Variants in SV2B observed in about 807,000 individuals in gnomAD.
SV2B encodes the protein synaptic vesicle glycoprotein 2B, also known as solute carrier family 22 member B2.
In SV2B, 41 loss-of-function variants were observed where a neutral mutation model predicts 73.9. That is an observed-to-expected ratio of 0.56 (90% CI 0.43 to 0.72). SV2B has a LOEUF of 0.72. Ranked by LOEUF, SV2B falls within the 30% of genes least tolerant of loss-of-function variation. The pLI, the probability that SV2B is intolerant of heterozygous loss-of-function variation, is 0.00. For synonymous variants in SV2B, 314 were observed against 314.2 expected, an observed-to-expected ratio of 1.00 and a Z score of 0.01; for missense variants, 764 against 857.8, an observed-to-expected ratio of 0.89 and a Z score of 1.37.
chr15:91,172,485 GTCT>G (rs1043663112), intron 1 of SV2B, among the ~76,000 whole-genome samples: 4 of 152,190 alleles, frequency 2.6e-5, no homozygotes, highest in Non-Finnish European at 5.9e-5. Flanking sequence ...GTCCCACCAT[GTCT>G]TCTTCTTCTG....
intron 1 of SV2B, among the ~76,000 whole-genome samples, chr15:91,125,848 G>C (rs907235219): frequency 1.4e-5 from 2 of 144,858 alleles, no homozygotes; most frequent in African/African-American, 5.1e-5. Flanking sequence ...AGAAAATAAA[G>C]TCACCTTAAA....
At position 91,294,353 on chromosome 15, in the gene SV2B, T is replaced by C. The variant is rs981543127; in HGVS notation, c.*1801T>C. On this transcript the variant is annotated 3_prime_UTR_variant, in exon 13 of 13. Transcript: ENST00000394232. This position sits in a 1 kb window ranked among gnomAD's most constrained non-coding sequence, Gnocchi z 4.1. ...GTTTTAATGGTTAAAATGTTTACTC[T>C]CCTTCTGTCAACCCTCACCTTTTTA... 1.3e-5 allele frequency: 2 copies of C among 152,190 alleles called. No homozygotes were observed. Among genetic ancestry groups the C allele is most frequent in the African/African-American group, 4.8e-5 (2 of 41,436 alleles). The allele number at this position is 152,190 out of a possible 1,614,324, so 9.4% of individuals were successfully genotyped here. A position where few individuals can be genotyped will look rare whatever the true frequency, so the allele number is the denominator to read the frequency against.
rs1327567799 is a variant in SV2B at position 91,123,165 on chromosome 15, C to G, written c.-392+22802C>G. 2.0e-5 allele frequency among the ~76,000 whole-genome samples: 3 copies of G among 151,634 alleles called. No individual in the cohort carries two copies. Among genetic ancestry groups the G allele is most frequent in the African/African-American group, 7.3e-5 (3 of 41,226 alleles). ...GGTGTGCGCTTGTAGTCTCAGCTAC[C>G]TGGGAGGCTGAGGTGGGAGGACCAC... is the stretch of plus-strand genomic sequence containing the variant. On this transcript the variant is annotated intron_variant, in intron 1 of 12. Coordinates refer to ENST00000394232, the MANE Select transcript of SV2B (RefSeq NM_001323032.3). The surrounding 1 kb of genome is among the most constrained non-coding windows in gnomAD (Gnocchi z 4.7).
intron 1 of SV2B, among the ~76,000 whole-genome samples, chr15:91,176,519 T>C (rs1321478768): frequency 6.6e-6 from 1 of 152,166 alleles, no homozygotes; most frequent in Non-Finnish European, 1.5e-5. Flanking sequence ...AGTGTAAAAG[T>C]GTTCCTATTT....
In SV2B at chr15:91,283,833, T is replaced by C. The variant is rs1423688504; in HGVS notation, c.1508-188T>C. ...GGAACTTGAACAGGTCATTACATTT[T>C]TGGAAGTTTCTCTCCTCATCCATAC... On this transcript the variant is annotated intron_variant, in intron 10 of 12. Transcript: ENST00000394232. This position sits in a 1 kb window ranked among gnomAD's most constrained non-coding sequence, Gnocchi z 4.3. Among the ~76,000 whole-genome samples the C allele has an allele frequency of 7.6e-6, 1 of 131,570 alleles. No individual in the cohort carries two copies. Among genetic ancestry groups the C allele is most frequent in the African/African-American group, 3.2e-5 (1 of 30,820 alleles). The allele number at this position is 131,570 out of a possible 152,430, so 86.3% of individuals were successfully genotyped here. A position where few individuals can be genotyped will look rare whatever the true frequency, so the allele number is the denominator to read the frequency against.
intron 1 of SV2B, among the ~76,000 whole-genome samples, chr15:91,167,797 A>G (rs1173912246): frequency 2.0e-5 from 3 of 152,184 alleles, no homozygotes; most frequent in Non-Finnish European, 2.9e-5. Flanking sequence ...ATTACATTCT[A>G]TAGATTTTGA....
At chr15:91,237,421 C>G (rs370594677) in intron 2 of SV2B, among the ~76,000 whole-genome samples, 12 of 152,214 alleles carry the variant, frequency 7.9e-5, no homozygotes, top group African/African-American at 2.4e-4. Context: ...GGGGAAAAAT[C>G]ACTTCCAGTT....
intron 1 of SV2B, among the ~76,000 whole-genome samples, chr15:91,161,158 G>A (rs572403380): frequency 2.0e-5 from 3 of 152,194 alleles, no homozygotes; most frequent in African/African-American, 7.2e-5. Flanking sequence ...ACAGCAGAAA[G>A]TGACTGCAAA....
intron 1 of SV2B, among the ~76,000 whole-genome samples, chr15:91,135,720 C>G (rs2042801713): frequency 6.6e-6 from 1 of 152,202 alleles, no homozygotes; most frequent in Admixed American, 6.5e-5. Context: ...GTTTCTGAAA[C>G]TCTGGTGCTT....
At chr15:91,257,612 GT>G (rs1398814100) in intron 4 of SV2B, among the ~76,000 whole-genome samples, 1 of 152,212 alleles carries the variant, frequency 6.6e-6, no homozygotes, top group Non-Finnish European at 1.5e-5. Context: ...AGCTTACAGT[GT>G]TTTTCAAAAT....
At chr15:91,190,343 T>TC (rs2044962107) in intron 1 of SV2B, among the ~76,000 whole-genome samples, 1 of 151,900 alleles carries the variant, frequency 6.6e-6, no homozygotes, top group African/African-American at 2.4e-5. Flanking sequence ...TCTTTTTTTT[T>TC]CCTTTATTTC....
intron 1 of SV2B, among the ~76,000 whole-genome samples, chr15:91,176,411 T>C (rs1262321465): frequency 6.6e-6 from 1 of 151,502 alleles, no homozygotes; most frequent in Admixed American, 6.6e-5. Context: ...TACCCCGTAA[T>C]TGGATGGCTG....
At chr15:91,111,262 T>A (rs1005592592) in intron 1 of SV2B, among the ~76,000 whole-genome samples, 1 of 152,228 alleles carries the variant, frequency 6.6e-6, no homozygotes, top group Non-Finnish European at 1.5e-5. Flanking sequence ...TCAGCCCATT[T>A]CTTTAGACAA....
Position 91,122,247 on chromosome 15 carries a change from A to G in SV2B, c.-392+21884A>G, listed in dbSNP as rs976432219. ...TTAAAGCCAGGGGTGTCGTAGATGC[A>G]GGTACAATGAGTACAGAGTCAGATT... is the stretch of plus-strand genomic sequence containing the variant. On this transcript the variant is annotated intron_variant, in intron 1 of 12. Coordinates refer to ENST00000394232, the MANE Select transcript of SV2B (RefSeq NM_001323032.3). The surrounding 1 kb of genome is among the most constrained non-coding windows in gnomAD (Gnocchi z 4.3). 6.6e-6 allele frequency among the ~76,000 whole-genome samples: 1 copy of G among 152,236 alleles called. No homozygotes were observed. Among genetic ancestry groups the G allele is most frequent in the East Asian group, 1.9e-4 (1 of 5,204 alleles).
chr15:91,235,209 T>G (rs2046732921), intron 2 of SV2B, among the ~76,000 whole-genome samples: 1 of 152,212 alleles, frequency 6.6e-6, no homozygotes, highest in African/African-American at 2.4e-5. Context: ...CATTTGAGTG[T>G]TTTGAAAAAT....
rs1414674249 is a variant in SV2B, at chr15:91,239,916, TC to T, written c.452-11901del. Among the ~76,000 whole-genome samples, 8 of 152,196 alleles carry T rather than the reference TC, an allele frequency of 5.3e-5. No homozygotes were observed. Among genetic ancestry groups the T allele is most frequent in the Admixed American group, 5.2e-4 (8 of 15,278 alleles). ...AATCTAAGTCCCCCGATAATGGCTT[TC>T]CAATCACCTGGCAGGTGTCCACCAA... is the stretch of plus-strand genomic sequence containing the variant. On this transcript the variant is annotated intron_variant, in intron 2 of 12. Transcript: ENST00000394232. The surrounding 1 kb of genome is among the most constrained non-coding windows in gnomAD (Gnocchi z 5.1).
At position 91,261,392 on chromosome 15, in the gene SV2B, T is replaced by C. The variant is rs1346925939; in HGVS notation, c.1008+983T>C. Among the ~76,000 whole-genome samples, 2 of 152,246 alleles carry C rather than the reference T, an allele frequency of 1.3e-5. No homozygotes were observed. Among genetic ancestry groups the C allele is most frequent in the Non-Finnish European group, 2.9e-5 (2 of 68,036 alleles). On this transcript the variant is annotated intron_variant, in intron 6 of 12. Transcript: ENST00000394232. This position sits in a 1 kb window ranked among gnomAD's most constrained non-coding sequence, Gnocchi z 4.7. ...ATATGCTGTCTCCTAGTATTCATAATCATCATTTTAATAAACAGTAATGTT... is the reference window on the plus strand; with the variant it reads ...ATATGCTGTCTCCTAGTATTCATAACCATCATTTTAATAAACAGTAATGTT...
At chr15:91,161,539 T>A (rs975874275) in intron 1 of SV2B, among the ~76,000 whole-genome samples, 2 of 152,230 alleles carry the variant, frequency 1.3e-5, no homozygotes, top group Non-Finnish European at 1.5e-5. Context: ...CTGCTTACAA[T>A]GTATTAGGCA....
chr15:91,192,279 A>T (rs962267123), intron 1 of SV2B, among the ~76,000 whole-genome samples: 5 of 152,220 alleles, frequency 3.3e-5, no homozygotes, highest in Non-Finnish European at 7.3e-5. Flanking sequence ...GCCTTGAATG[A>T]CTAAAAGAAT....
Sources: gnomAD v4.1 joint callset for allele counts (sites outside exome capture counted in the v4.1 genomes callset) on GRCh38, gnomAD v4.1.1 for gene constraint, Gnocchi (gnomAD v3.1) non-coding constraint, MANE v1.5 for transcripts, NCBI Gene and HGNC (gene_info 2026-07-23, HGNC 2026-07-21) for gene names.